The following ITPR2 variants were observed in gnomAD, a reference collection of about 807,000 sequenced individuals.
The protein encoded by ITPR2 is inositol 1,4,5-trisphosphate-gated calcium channel ITPR2.
Under a neutral mutation model 317.1 loss-of-function variants are expected in ITPR2, and 207 were observed. That is an observed-to-expected ratio of 0.65 (90% CI 0.58 to 0.73). The LOEUF is 0.73. ITPR2 is among the 30% of genes least tolerant of loss of function. ITPR2 has a pLI of 0.00. For missense variants in ITPR2, 2,613 were observed against 3,284.0 expected (o/e 0.80, Z 4.99); for synonymous variants, 1,156 against 1,149.1 (o/e 1.01, Z -0.12).
At chr12:26,561,630 T>C (rs2137029011) in intron 35 of ITPR2, 132 bp downstream of exon 35, 1 of 646,746 alleles carries the variant, frequency 1.5e-6, no homozygotes, top group Non-Finnish European at 2.5e-6. Context: ...GCAGTGGTAG[T>C]AGAGAGTTGT....
At chr12:26,784,512 CG>C (rs893372243) in intron 2 of ITPR2, among the ~76,000 whole-genome samples, 1 of 151,238 alleles carries the variant, frequency 6.6e-6, no homozygotes, top group Non-Finnish European at 1.5e-5. Flanking sequence ...GACTGGTTTT[CG>C]GTTTTTTTTT....
intron 2 of ITPR2, among the ~76,000 whole-genome samples, chr12:26,750,501 G>A (rs939730768): frequency 1.1e-4 from 16 of 152,172 alleles, no homozygotes; most frequent in East Asian, 9.6e-4. Flanking sequence ...CAAACAGGTC[G>A]TCTATACTTG....
chr12:26,803,969 T>C (rs1013869300), intron 1 of ITPR2, among the ~76,000 whole-genome samples: 1 of 152,010 alleles, frequency 6.6e-6, no homozygotes, highest in Admixed American at 6.6e-5. Context: ...TATATACAGG[T>C]AACAAAATAT....
chr12:26,800,494 G>A (rs888310950), intron 1 of ITPR2, among the ~76,000 whole-genome samples: 2 of 152,198 alleles, frequency 1.3e-5, no homozygotes, highest in Non-Finnish European at 2.9e-5. Flanking sequence ...TTGGCATGGT[G>A]GTACACCCCT....
At chr12:26,630,596 T>TA (rs1946727649) in intron 22 of ITPR2, 1 of 152,158 alleles carries the variant, frequency 6.6e-6, no homozygotes. Flanking sequence ...CTCAGACACA[T>TA]ACGCACGGTG....
intron 55 of ITPR2, among the ~76,000 whole-genome samples, chr12:26,386,660 A>AT (rs1412994118): frequency 6.8e-6 from 1 of 146,428 alleles, no homozygotes; most frequent in African/African-American, 2.5e-5. Flanking sequence ...ATTTTGTCAG[A>AT]TTTTTTTGGG....
At chr12:26,782,395 T>TAA (rs796278759) in intron 2 of ITPR2, among the ~76,000 whole-genome samples, 1 of 136,718 alleles carries the variant, frequency 7.3e-6, no homozygotes, top group Non-Finnish European at 1.6e-5. Flanking sequence ...TTAAAAGAAC[T>TAA]AAAAAAAAAA....
chr12:26,647,616 C>T (rs936769905), intron 21 of ITPR2, among the ~76,000 whole-genome samples: 1 of 152,206 alleles, frequency 6.6e-6, no homozygotes, highest in Non-Finnish European at 1.5e-5. Context: ...TTGCCATAAT[C>T]CTTCTACTCA....
chr12:26,341,289 C>T (rs1938105234), intron 55 of ITPR2, among the ~76,000 whole-genome samples: 1 of 152,232 alleles, frequency 6.6e-6, no homozygotes, highest in African/African-American at 2.4e-5. Context: ...ACCTATTTCT[C>T]TAAATCACCT....
In ITPR2 at chr12:26,659,282, A is replaced by T. The variant is rs1947442806; in HGVS notation, c.1717T>A (p.Tyr573Asn). 1 of 1,612,858 alleles carries T rather than the reference A, an allele frequency of 6.2e-7. No individual in the cohort carries two copies. The highest frequency in any genetic ancestry group is 1.3e-5 in the African/African-American group (1 of 74,922). The stretch of plus-strand genomic sequence containing the variant: ...ATGACACAGAAATTCTTAGCAATAT[A>T]TTCCTGCAAAGAAGAAAGGCTGTCA... Reference protein sequence around the residue: ...SQQDYRKNQEYIAKNFCVMQS... With the variant: ...SQQDYRKNQENIAKNFCVMQS... Residue 573 changes from tyrosine to asparagine, a missense_variant, in exon 16 of 57, where the codon TAT (tyrosine) becomes AAT (asparagine). Around this residue, in one of 9 missense-constraint regions of ITPR2, gnomAD observed 515 missense variants for 789.4 expected, o/e 0.65. Coordinates refer to ENST00000381340, the MANE Select transcript of ITPR2 (RefSeq NM_002223.4).
chr12:26,697,354 G>T (rs1948370208), intron 9 of ITPR2, among the ~76,000 whole-genome samples: 1 of 152,206 alleles, frequency 6.6e-6, no homozygotes, highest in South Asian at 2.1e-4. Flanking sequence ...CACTGAGTTA[G>T]AACAAGGGAG....
chr12:26,782,037 TAGAGAGAGAGAGAGAGAGAG>T (rs1177233376), intron 2 of ITPR2, among the ~76,000 whole-genome samples: 2 of 51,736 alleles, frequency 3.9e-5, no homozygotes, highest in African/African-American at 1.1e-4. Flanking sequence ...TATATATGTA[TAGAGAGAGAGAGAGAGAGAG>T]AGAGAGAGAG....
At chr12:26,380,263 G>A (rs936645003) in intron 55 of ITPR2, among the ~76,000 whole-genome samples, 4 of 152,080 alleles carry the variant, frequency 2.6e-5, no homozygotes, top group African/African-American at 9.7e-5. Context: ...ACTAATAAGA[G>A]GAATAGAAAG....
chr12:26,673,494 AC>A (rs1194346904), intron 13 of ITPR2, among the ~76,000 whole-genome samples: 3 of 151,428 alleles, frequency 2.0e-5, no homozygotes, highest in Admixed American at 6.6e-5. Context: ...AAATTCAACA[AC>A]CCTTCATGCT....
chr12:26,833,116 T>A lies in ITPR2; in HGVS notation c.-335A>T. The A allele has an allele frequency of 3.8e-6, 1 of 265,400 alleles. No homozygotes were observed. Among genetic ancestry groups the A allele is most frequent in the Non-Finnish European group, 7.1e-6 (1 of 140,940 alleles). The allele number at this position is 265,400 out of a possible 1,614,324, so 16.4% of individuals were successfully genotyped here. ...CACCTTTGCTCCTCCTCCTCCTCCT[T>A]CCCTCTCCGCTCCCCACTCCGTGTC... On this transcript the variant is annotated 5_prime_UTR_variant, in exon 1 of 57. Coordinates refer to ENST00000381340, the MANE Select transcript of ITPR2 (RefSeq NM_002223.4).
At chr12:26,700,252 G>A (rs1282791761) in intron 9 of ITPR2, among the ~76,000 whole-genome samples, 2 of 152,158 alleles carry the variant, frequency 1.3e-5, no homozygotes, top group Admixed American at 1.3e-4. Context: ...TTTGAGATAA[G>A]CCTTGAAGGA....
chr12:26,446,251 AG>A (rs1407697330), intron 45 of ITPR2, among the ~76,000 whole-genome samples: 2 of 152,110 alleles, frequency 1.3e-5, no homozygotes, highest in Non-Finnish European at 2.9e-5. Context: ...TTATGGTCAA[AG>A]GGAGGCCAGG....
intron 49 of ITPR2, among the ~76,000 whole-genome samples, chr12:26,423,419 T>C (rs976827345): frequency 1.3e-5 from 2 of 152,128 alleles, no homozygotes; most frequent in East Asian, 1.9e-4. Context: ...CTAAACTCCA[T>C]TTGCTCCTTC....
intron 36 of ITPR2, among the ~76,000 whole-genome samples, chr12:26,554,512 G>A (rs1944612781): frequency 6.6e-6 from 1 of 152,166 alleles, no homozygotes; most frequent in South Asian, 2.1e-4. Flanking sequence ...CATGAAAGCA[G>A]CCACAGACAA....
Sources: allele counts gnomAD v4.1 joint callset (sites outside exome capture counted in the v4.1 genomes callset), GRCh38; gene constraint gnomAD v4.1.1; regional missense constraint gnomAD v4.1.1; transcripts MANE v1.5; gene names NCBI Gene and HGNC (gene_info 2026-07-23, HGNC 2026-07-21).